EPB41L4A: variants seen among roughly 807,000 people sequenced by gnomAD.
The protein encoded by EPB41L4A is band 4.1-like protein 4A.
EPB41L4A carries 100 observed loss-of-function variants against 108.6 expected under a neutral mutation model. The ratio of observed to expected loss-of-function variants is 0.92; its 90% CI spans 0.78 to 1.09. The LOEUF (loss-of-function observed/expected upper bound fraction) is 1.09, where lower values mean the gene tolerates loss of function less well. Among genes scored for constraint, EPB41L4A ranks in the 50% least tolerant of loss-of-function variants. The pLI is 0.00. For synonymous variants in EPB41L4A, 319 were observed against 289.0 expected (o/e 1.10, Z -1.05); for missense variants, 1,030 against 842.7 (o/e 1.22, Z -2.75).
intron 1 of EPB41L4A, among the ~76,000 whole-genome samples, chr5:112,368,337 G>A (rs575631741): frequency 3.9e-5 from 6 of 152,014 alleles, no homozygotes; most frequent in Non-Finnish European, 8.8e-5. Context: ...TATGTGTGAC[G>A]CCACTCCCTC....
intron 4 of EPB41L4A, among the ~76,000 whole-genome samples, chr5:112,267,546 T>C (rs907660408): frequency 6.6e-6 from 1 of 152,146 alleles, no homozygotes. Context: ...GATGTCCACG[T>C]AAAATAAACC....
chr5:112,299,940 TAAAGTTTGTTTTG>T (rs1164509816), intron 2 of EPB41L4A, among the ~76,000 whole-genome samples: 3 of 152,214 alleles, frequency 2.0e-5, no homozygotes, highest in African/African-American at 7.2e-5. Context: ...TAACTACTCT[TAAAGTTTGTTTTG>T]ACTGACATAT....
intron 9 of EPB41L4A, chr5:112,249,548 AT>A (rs1171699232): frequency 3.3e-5 from 5 of 152,154 alleles, no homozygotes; most frequent in African/African-American, 9.7e-5. Flanking sequence ...CCTGGGCACA[AT>A]ATCTGTTTTA....
At chr5:112,320,560 C>G (rs1370854650) in intron 1 of EPB41L4A, among the ~76,000 whole-genome samples, 3 of 152,088 alleles carry the variant, frequency 2.0e-5, no homozygotes, top group South Asian at 2.1e-4. Context: ...AGCCTGTTTC[C>G]GATTCTACAA....
intron 4 of EPB41L4A, among the ~76,000 whole-genome samples, chr5:112,271,653 C>A (rs1184886737): frequency 6.6e-6 from 1 of 152,160 alleles, no homozygotes; most frequent in Non-Finnish European, 1.5e-5. Flanking sequence ...ATGAAGGACA[C>A]ACAATACAGG....
chr5:112,326,780 T>C (rs1756191548), intron 1 of EPB41L4A, among the ~76,000 whole-genome samples: 1 of 152,182 alleles, frequency 6.6e-6, no homozygotes, highest in Non-Finnish European at 1.5e-5. Context: ...TAAGAATCAA[T>C]CAAATGACTA....
chr5:112,215,558 C>T (rs1043119966), intron 12 of EPB41L4A, among the ~76,000 whole-genome samples: 2 of 151,888 alleles, frequency 1.3e-5, no homozygotes, highest in Non-Finnish European at 2.9e-5. Flanking sequence ...GTCAGGAGAT[C>T]GAGACCATTC....
chr5:112,388,245 A>C (rs1353111466), intron 1 of EPB41L4A, among the ~76,000 whole-genome samples: 4 of 152,190 alleles, frequency 2.6e-5, no homozygotes, highest in Non-Finnish European at 5.9e-5. Flanking sequence ...TTAAGGTCAC[A>C]GTTTAAAAGT....
chr5:112,144,547 G>A (rs1443825986), intron 13 of EPB41L4A, among the ~76,000 whole-genome samples: 3 of 152,108 alleles, frequency 2.0e-5, no homozygotes, highest in Non-Finnish European at 4.4e-5. Context: ...AAACTGATGG[G>A]ATTACAAGTA....
At chr5:112,201,746 T>C (rs368475008) in intron 15 of EPB41L4A, among the ~76,000 whole-genome samples, 2 of 152,312 alleles carry the variant, frequency 1.3e-5, no homozygotes, top group Admixed American at 1.3e-4. Context: ...ATTGTCCAAA[T>C]TGAACCAACT....
chr5:112,225,328 C>A (rs1008811867), intron 12 of EPB41L4A, among the ~76,000 whole-genome samples: 10 of 152,328 alleles, frequency 6.6e-5, no homozygotes, highest in Middle Eastern at 3.4e-3. Context: ...CTTGAAGACT[C>A]TGGTTGTGTC....
intron 1 of EPB41L4A, among the ~76,000 whole-genome samples, chr5:112,368,709 A>G (rs1759298058): frequency 1.3e-5 from 2 of 152,078 alleles, no homozygotes; most frequent in South Asian, 4.1e-4. Flanking sequence ...CCTCTGCTGC[A>G]TCTGGCATCA....
intron 2 of EPB41L4A, among the ~76,000 whole-genome samples, chr5:112,284,883 C>G (rs1753184155): frequency 6.6e-6 from 1 of 152,212 alleles, no homozygotes. Context: ...TGGCTGCTTT[C>G]ATCCACCTTG....
At chr5:112,206,926 C>T (rs948966917) in intron 13 of EPB41L4A, 1 of 152,134 alleles carries the variant, frequency 6.6e-6, no homozygotes, top group South Asian at 2.1e-4. Context: ...CATTTTTTCA[C>T]AGGAAAGAAC....
At chr5:112,199,245 A>G (rs1304007272) in intron 15 of EPB41L4A, among the ~76,000 whole-genome samples, 4 of 152,210 alleles carry the variant, frequency 2.6e-5, no homozygotes, top group African/African-American at 9.6e-5. Context: ...TAGTATCCAT[A>G]GTCTTTTCTC....
At chr5:112,198,398 C>T (rs1762065040) in intron 15 of EPB41L4A, among the ~76,000 whole-genome samples, 1 of 152,130 alleles carries the variant, frequency 6.6e-6, no homozygotes, top group Non-Finnish European at 1.5e-5. Context: ...TATTCCCATG[C>T]CCCCTCCAAA....
intron 1 of EPB41L4A, among the ~76,000 whole-genome samples, chr5:112,352,181 G>A (rs1428730835): frequency 2.0e-5 from 3 of 152,138 alleles, no homozygotes; most frequent in Non-Finnish European, 4.4e-5. Context: ...GGTTCGGTTT[G>A]TTCTTGCTTT....
intron 12 of EPB41L4A, among the ~76,000 whole-genome samples, chr5:112,213,497 C>A (rs891275785): frequency 2.0e-5 from 3 of 152,006 alleles, no homozygotes; most frequent in African/African-American, 7.2e-5. Flanking sequence ...TACAGGCATG[C>A]ACCACCACGC....
chr5:112,319,802 G>A (rs73231327), intron 1 of EPB41L4A, among the ~76,000 whole-genome samples: 2,127 of 152,232 alleles, frequency 0.014, 51 homozygotes, highest in African/African-American at 0.046. Flanking sequence ...CCTGGGGTCC[G>A]TGGATTAGAT....
Sources: allele counts gnomAD v4.1 joint callset (sites outside exome capture counted in the v4.1 genomes callset), GRCh38; gene constraint gnomAD v4.1.1; transcripts MANE v1.5; gene names NCBI Gene and HGNC (gene_info 2026-07-23, HGNC 2026-07-21).